Variants in DENND5B observed in about 807,000 individuals in gnomAD.
DENND5B encodes the protein DENN domain containing 5B.
In DENND5B, 34 loss-of-function variants were observed where a neutral mutation model predicts 140.6. The observed-to-expected ratio is 0.24, with a 90% CI of 0.18 to 0.32. The LOEUF is 0.32. Ranked by LOEUF, DENND5B falls within the 10% of genes least tolerant of loss-of-function variation. The probability of loss-of-function intolerance (pLI) is 1.00; values close to 1 mark genes in which losing one functional copy is unlikely to be tolerated. For synonymous variants in DENND5B, 551 were observed against 562.1 expected (o/e 0.98, Z 0.28); for missense variants, 1,142 against 1,560.2 (o/e 0.73, Z 4.52).
chr12:31,486,384 G>C (rs555072928), intron 2 of DENND5B, among the ~76,000 whole-genome samples: 1 of 152,284 alleles, frequency 6.6e-6, no homozygotes, highest in South Asian at 2.1e-4. Context: ...TCAACCTCTA[G>C]AACTGTGAGA....
In DENND5B at chr12:31,387,708, G is replaced by C; in HGVS notation, c.3720C>G (p.Leu1240=). Residue 1240 remains leucine (L), a synonymous_variant, in exon 21 of 21, where the codon CTC becomes CTG. Transcript: ENST00000389082. ...AGTTGACAGTCATGCGGTCTCGCAG[G>C]AGAGCGCTCTCTTCATACATTCGAG... ...AITRMYEESA[L]LRDRMTVNSL... 1 of 1,614,050 alleles carries C rather than the reference G, an allele frequency of 6.2e-7. No individual in the cohort carries two copies. The highest frequency in any genetic ancestry group is 8.5e-7 in the Non-Finnish European group (1 of 1,179,898).
chr12:31,422,982 C>A (rs933274988), intron 11 of DENND5B, among the ~76,000 whole-genome samples: 1 of 150,762 alleles, frequency 6.6e-6, no homozygotes, highest in African/African-American at 2.4e-5. Context: ...GCTCTGTCAC[C>A]CAGGCTGTAG....
intron 1 of DENND5B, among the ~76,000 whole-genome samples, chr12:31,575,564 G>A (rs1194699222): frequency 1.3e-5 from 2 of 152,122 alleles, no homozygotes; most frequent in East Asian, 3.8e-4. Context: ...GATTGTCCCT[G>A]TTTTCTCAAA....
In DENND5B at chr12:31,590,849, C is replaced by T; in HGVS notation, c.-17G>A. 1 of 1,209,198 alleles carries T rather than the reference C, an allele frequency of 8.3e-7. No individual in the cohort carries two copies. The highest frequency in any genetic ancestry group is 1.0e-6 in the Non-Finnish European group (1 of 976,634). The allele number at this position is 1,209,198 out of a possible 1,614,324, so 74.9% of individuals were successfully genotyped here. ...CCCGCTCATCCCGGCCGCGCTGCTCCAGGGGCCGCCGCCGCCGCCGCCCGG... is the reference window on the plus strand; with the variant it reads ...CCCGCTCATCCCGGCCGCGCTGCTCTAGGGGCCGCCGCCGCCGCCGCCCGG... On this transcript the variant is annotated 5_prime_UTR_variant, in exon 1 of 21. Coordinates refer to ENST00000389082, the MANE Select transcript of DENND5B (RefSeq NM_144973.4).
intron 1 of DENND5B, among the ~76,000 whole-genome samples, chr12:31,567,683 T>C (rs1031431282): frequency 1.3e-5 from 2 of 151,884 alleles, no homozygotes. Flanking sequence ...GGGTGGTGCA[T>C]ACCTGCAGTC....
At chr12:31,547,380 A>C (rs566763709) in intron 1 of DENND5B, among the ~76,000 whole-genome samples, 1 of 152,254 alleles carries the variant, frequency 6.6e-6, no homozygotes, top group South Asian at 2.1e-4. Flanking sequence ...TTAGATGAAA[A>C]TTTCCGGCTA....
At chr12:31,474,567 A>G (rs1306548814) in intron 3 of DENND5B, among the ~76,000 whole-genome samples, 1 of 152,242 alleles carries the variant, frequency 6.6e-6, no homozygotes, top group Non-Finnish European at 1.5e-5. Flanking sequence ...TCAGAATTTC[A>G]AATCAGTCTA....
chr12:31,400,943 A>G (rs1460505497), intron 15 of DENND5B, among the ~76,000 whole-genome samples: 2 of 151,812 alleles, frequency 1.3e-5, no homozygotes, highest in Non-Finnish European at 2.9e-5. Context: ...CCCGGATTCA[A>G]GCGATTCTCC....
chr12:31,541,996 T>C (rs1372683268), intron 1 of DENND5B, among the ~76,000 whole-genome samples: 2 of 152,076 alleles, frequency 1.3e-5, no homozygotes, highest in African/African-American at 4.8e-5. Flanking sequence ...AGCTAAAAAT[T>C]AAAACAACTG....
At chr12:31,459,424 G>C (rs1030944890) in intron 4 of DENND5B, among the ~76,000 whole-genome samples, 3 of 152,012 alleles carry the variant, frequency 2.0e-5, no homozygotes, top group Non-Finnish European at 2.9e-5. Flanking sequence ...CAAGTACCTG[G>C]GACTACAGGT....
rs547012479 is a variant in DENND5B, at chr12:31,527,811, A to G, written c.128-31892T>C. ...AAAAAATCACTCTGACAGTTGTATT[A>G]ATAATAGGCTTTATGCAACATCACC... On this transcript the variant is annotated intron_variant, in intron 1 of 20. Coordinates refer to ENST00000389082, the MANE Select transcript of DENND5B (RefSeq NM_144973.4). Among the ~76,000 whole-genome samples the G allele has an allele frequency of 1.5e-3, 232 of 152,206 alleles. 1 individual carries two copies. Among genetic ancestry groups the G allele is most frequent in the Non-Finnish European group, 2.7e-3 (183 of 68,034 alleles).
intron 2 of DENND5B, among the ~76,000 whole-genome samples, chr12:31,485,093 C>T (rs746040364): frequency 2.0e-5 from 3 of 152,316 alleles, no homozygotes; most frequent in Non-Finnish European, 4.4e-5. Context: ...GAAATCATTA[C>T]ATCCAAGAAG....
At chr12:31,485,114 A>G (rs893071613) in intron 2 of DENND5B, among the ~76,000 whole-genome samples, 2 of 152,210 alleles carry the variant, frequency 1.3e-5, no homozygotes, top group Non-Finnish European at 2.9e-5. Flanking sequence ...TATGCTCAGC[A>G]AATCGATGAG....
At chr12:31,512,505 T>G (rs1186591846) in intron 1 of DENND5B, among the ~76,000 whole-genome samples, 1 of 152,068 alleles carries the variant, frequency 6.6e-6, no homozygotes, top group Non-Finnish European at 1.5e-5. Context: ...GTGCTGGGAT[T>G]AGAGGCATGA....
intron 1 of DENND5B, among the ~76,000 whole-genome samples, chr12:31,546,494 C>T (rs940805769): frequency 6.6e-6 from 1 of 152,068 alleles, no homozygotes; most frequent in Non-Finnish European, 1.5e-5. Flanking sequence ...CGAGACCAGC[C>T]TGACCAACAT....
In DENND5B at chr12:31,424,619, G is replaced by A. The variant is rs535553196; in HGVS notation, c.2307C>T (p.Ile769=). Residue 769 remains isoleucine (I), a synonymous_variant, in exon 10 of 21, where the codon ATC becomes ATT. Transcript: ENST00000389082. ...TCAAGGTGTTCTCCTCCAGGCCGGT[G>A]ATGTTTGCTTCTCCATGGCCAAGTT... The part of the protein sequence containing the change: ...AVELGHGEAN[I]TGLEENTLIA... 58 of 1,613,918 alleles carry A rather than the reference G, an allele frequency of 3.6e-5. No homozygotes were observed. The South Asian group carries it at 5.5e-4, about 15-fold the overall frequency.
intron 7 of DENND5B, 62 bp downstream of exon 7, chr12:31,442,713 G>A (rs1944089330): frequency 1.3e-6 from 2 of 1,541,390 alleles, no homozygotes; most frequent in Non-Finnish European, 1.8e-6. Context: ...CATTTGAGTT[G>A]CAGAGCACCC....
rs71062425 is a variant in DENND5B at position 31,404,759 on chromosome 12, C to CTTTTTTTTTTTT, written c.2804-2128_2804-2117dup. On this transcript the variant is annotated intron_variant, in intron 14 of 20. Transcript: ENST00000389082. The stretch of plus-strand genomic sequence containing the variant: ...ATAAGCCACCGCGTCCGACCTCTAG[C>CTTTTTTTTTTTT]TTTTTTTTTTTTTTTTTGAGACAGA... 2.0e-4 allele frequency among the ~76,000 whole-genome samples: 15 copies of CTTTTTTTTTTTT among 74,066 alleles called. 1 individual carries two copies. Among genetic ancestry groups the CTTTTTTTTTTTT allele is most frequent in the Non-Finnish European group, 3.2e-4 (13 of 41,048 alleles). The allele number at this position is 74,066 out of a possible 152,430, so 48.6% of individuals were successfully genotyped here.
intron 1 of DENND5B, among the ~76,000 whole-genome samples, chr12:31,521,612 GT>G (rs1008342317): frequency 3.9e-4 from 59 of 152,194 alleles, no homozygotes; most frequent in African/African-American, 1.3e-3. Context: ...ATGTGTGTGG[GT>G]TTTTTTAGTG....
Sources: gnomAD v4.1 joint callset for allele counts (sites outside exome capture counted in the v4.1 genomes callset) on GRCh38, gnomAD v4.1.1 for gene constraint, MANE v1.5 for transcripts, NCBI Gene and HGNC (gene_info 2026-07-23, HGNC 2026-07-21) for gene names.